The following NBPF15 variants were observed in gnomAD, a reference collection of about 807,000 sequenced individuals.
NBPF15 encodes NBPF member 15, also known as NBPF family member NBPF15.
A neutral mutation model predicts 62.2 loss-of-function variants in NBPF15; 74 were observed. The ratio of observed to expected loss-of-function variants is 1.19; its 90% confidence interval spans 0.99 to 1.44. The LOEUF is 1.44. Among genes scored for constraint, NBPF15 ranks in the 40% most tolerant of loss-of-function variants. NBPF15 has a pLI of 0.00. For synonymous variants in NBPF15, 244 were observed against 209.7 expected (o/e 1.16, Z -1.41); for missense variants, 790 against 550.0 (o/e 1.44, Z -4.36).
chr1:144,453,378 G>A (rs1274597775), intron 4 of NBPF15, among the ~76,000 whole-genome samples: 2 of 151,930 alleles, frequency 1.3e-5, no homozygotes, highest in African/African-American at 2.4e-5. Flanking sequence ...AAGAATCCTA[G>A]GAGATAACAT....
chr1:144,448,547 T>C (rs1338827089), intron 6 of NBPF15, among the ~76,000 whole-genome samples: 134 of 152,166 alleles, frequency 8.8e-4, no homozygotes, highest in Non-Finnish European at 1.5e-3. Flanking sequence ...AATAAAACCT[T>C]AAGATGCATT....
intron 17 of NBPF15, among the ~76,000 whole-genome samples, chr1:144,426,689 C>T (rs1291965935): frequency 2.0e-4 from 30 of 151,450 alleles, no homozygotes; most frequent in Admixed American, 3.9e-4. Context: ...AGCGAATTGG[C>T]CGGGTGACAC....
In NBPF15 at chr1:144,453,275, A is replaced by G. The variant is rs1326766269; in HGVS notation, c.-431-2405T>C. ...CAACTAGTGGTGCTAGAACAGCTGG[A>G]CAACCACATGCAAAAAAATAAATAA... On this transcript the variant is annotated intron_variant, in intron 4 of 21. Coordinates refer to ENST00000581897, the MANE Select transcript of NBPF15 (RefSeq NM_001385408.1). Among the ~76,000 whole-genome samples, 3 of 151,564 alleles carry G rather than the reference A, an allele frequency of 2.0e-5. No homozygotes were observed. The East Asian group carries it at 5.8e-4, about 29-fold the overall frequency.
At chr1:144,423,326 A>G (rs1553538626) in intron 21 of NBPF15, 70 bp from the exon 22 acceptor site, 1 of 1,611,148 alleles carries the variant, frequency 6.2e-7, no homozygotes, top group Non-Finnish European at 8.5e-7. Context: ...ACTAGATTTC[A>G]GAAGTAATAT....
At chr1:144,442,303 T>C (rs868974411) in intron 6 of NBPF15, among the ~76,000 whole-genome samples, 2 of 129,122 alleles carry the variant, frequency 1.5e-5, no homozygotes, top group East Asian at 2.2e-4. Flanking sequence ...TATATATATA[T>C]ACACGTGTAT....
At chr1:144,427,719 A>G (rs1670797309) in intron 16 of NBPF15, 99 bp downstream of exon 16, 3 of 612,260 alleles carry the variant, frequency 4.9e-6, no homozygotes, top group African/African-American at 4.0e-5. Context: ...CCCTGTGGCA[A>G]TGACATCTCT....
At chr1:144,448,042 G>A (rs1277927794) in intron 6 of NBPF15, among the ~76,000 whole-genome samples, 11 of 152,004 alleles carry the variant, frequency 7.2e-5, no homozygotes, top group African/African-American at 1.5e-4. Context: ...TCTGCAAGAC[G>A]CTTCTTCACC....
At chr1:144,451,593 C>T (rs12083866) in intron 4 of NBPF15, among the ~76,000 whole-genome samples, 15 of 152,012 alleles carry the variant, frequency 9.9e-5, no homozygotes, top group South Asian at 4.2e-4. Flanking sequence ...TGTCTCTGGG[C>T]ACTTGAGATT....
chr1:144,460,784 T>C (rs61812051), intron 2 of NBPF15, 59 bp downstream of exon 2: 2 of 147,696 alleles, frequency 1.4e-5, no homozygotes, highest in South Asian at 2.2e-4. Flanking sequence ...GAAAGACAGA[T>C]ACAGGGAAAT....
intron 5 of NBPF15, among the ~76,000 whole-genome samples, 198 bp downstream of exon 5, chr1:144,450,574 G>A (rs1461118043): frequency 4.7e-5 from 7 of 150,266 alleles, no homozygotes; most frequent in Admixed American, 6.6e-5. Flanking sequence ...CAGAGAACCC[G>A]GCCACTTCAT....
intron 17 of NBPF15, among the ~76,000 whole-genome samples, 157 bp from the exon 18 acceptor site, chr1:144,426,607 C>T (rs1283495359): frequency 6.7e-6 from 1 of 150,284 alleles, no homozygotes; most frequent in East Asian, 2.0e-4. Flanking sequence ...TGGGATAGAC[C>T]AGGGCCAGGT....
intron 20 of NBPF15, 54 bp downstream of exon 20, chr1:144,424,636 T>G (rs1212728494): frequency 1.6e-6 from 1 of 644,332 alleles, no homozygotes; most frequent in East Asian, 2.6e-5. Flanking sequence ...AGGAATATGA[T>G]CTTTATATGG....
At chr1:144,441,670 G>A (rs1390522423) in intron 6 of NBPF15, among the ~76,000 whole-genome samples, 6 of 150,124 alleles carry the variant, frequency 4.0e-5, no homozygotes, top group Non-Finnish European at 8.9e-5. Flanking sequence ...ATTGTGGTGA[G>A]TGCTACAGTA....
chr1:144,422,724 G>A lies in NBPF15; in HGVS notation c.*289C>T. 3.3e-6 allele frequency: 2 copies of A among 603,124 alleles called. No individual in the cohort carries two copies. The highest frequency in any genetic ancestry group is 4.1e-5 in the South Asian group (2 of 48,564). 37.4% of individuals were successfully genotyped at this position (603,124 alleles called of 1,614,324 possible). A position where few individuals can be genotyped will look rare whatever the true frequency, so the allele number is the denominator to read the frequency against. ...GACATGCCTGCAAAATGAAATCCCTGAGGAATTTTGTAGCTACCCAGAGAT... is the reference window on the plus strand; with the variant it reads ...GACATGCCTGCAAAATGAAATCCCTAAGGAATTTTGTAGCTACCCAGAGAT... On this transcript the variant is annotated 3_prime_UTR_variant, in exon 22 of 22. Transcript: ENST00000581897.
chr1:144,431,708 G>T (rs1354477264), intron 13 of NBPF15, among the ~76,000 whole-genome samples: 3 of 121,646 alleles, frequency 2.5e-5, no homozygotes, highest in Non-Finnish European at 5.0e-5. Context: ...TGTTCTCATT[G>T]TTCAATTCCC....
At chr1:144,447,856 C>G (rs1343195729) in intron 6 of NBPF15, among the ~76,000 whole-genome samples, 9 of 151,960 alleles carry the variant, frequency 5.9e-5, no homozygotes, top group Non-Finnish European at 1.3e-4. Flanking sequence ...CAGCCTCGCT[C>G]AATTATGGGT....
chr1:144,438,829 G>A (rs1471220287), intron 8 of NBPF15, among the ~76,000 whole-genome samples: 1 of 151,824 alleles, frequency 6.6e-6, no homozygotes, highest in South Asian at 2.1e-4. Context: ...CAGTAGACAG[G>A]CCCACAGTCC....
intron 15 of NBPF15, 59 bp from the exon 16 acceptor site, chr1:144,428,049 C>A (rs1389558136): frequency 3.8e-6 from 3 of 786,254 alleles, no homozygotes; most frequent in Admixed American, 1.7e-5. Flanking sequence ...CACACAGTCC[C>A]AGCTAGATTT....
intron 5 of NBPF15, among the ~76,000 whole-genome samples, chr1:144,449,799 G>A (rs1205851934): frequency 6.6e-6 from 1 of 151,642 alleles, no homozygotes; most frequent in Non-Finnish European, 1.5e-5. Flanking sequence ...CACTGTAGTT[G>A]TTATTCTATG....
Sources: gnomAD v4.1 joint callset for allele counts (sites outside exome capture counted in the v4.1 genomes callset) on GRCh38, gnomAD v4.1.1 for gene constraint, MANE v1.5 for transcripts, NCBI Gene and HGNC (gene_info 2026-07-23, HGNC 2026-07-21) for gene names.